The following ROR1 variants were observed in gnomAD, a reference collection of about 807,000 sequenced individuals.
ROR1 encodes ROR family WNT receptor 1.
ROR1 carries 19 observed loss-of-function variants against 78.8 expected under a neutral mutation model. The ratio of observed to expected loss-of-function variants is 0.24; its 90% CI spans 0.17 to 0.35. The LOEUF is 0.35. Ranked by LOEUF, ROR1 falls within the 10% of genes least tolerant of loss-of-function variation. ROR1 has a pLI of 1.00. For synonymous variants in ROR1, 386 were observed against 433.6 expected, an observed-to-expected ratio of 0.89 and a Z score of 1.36; for missense variants, 917 against 1,177.8, an observed-to-expected ratio of 0.78 and a Z score of 3.24.
At chr1:63,896,203 T>C (rs1645438305) in intron 1 of ROR1, among the ~76,000 whole-genome samples, 1 of 152,212 alleles carries the variant, frequency 6.6e-6, no homozygotes, top group Non-Finnish European at 1.5e-5. Flanking sequence ...AAAATAAGGA[T>C]ATTTTGTTAA....
At chr1:63,825,498 G>A (rs1194883993) in intron 1 of ROR1, among the ~76,000 whole-genome samples, 4 of 152,220 alleles carry the variant, frequency 2.6e-5, no homozygotes, top group African/African-American at 9.6e-5. Context: ...ACAGAAAGCA[G>A]ATCAGTGTTT....
At chr1:64,143,136 T>C (rs1035894897) in intron 7 of ROR1, 7 of 1,001,910 alleles carry the variant, frequency 7.0e-6, no homozygotes, top group Non-Finnish European at 8.4e-6. Context: ...TGTCTGTTAA[T>C]ACTGCAGAAG....
chr1:64,036,773 T>C (rs1646705495), intron 2 of ROR1, among the ~76,000 whole-genome samples: 1 of 152,196 alleles, frequency 6.6e-6, no homozygotes, highest in Admixed American at 6.5e-5. Context: ...AATCATGTAT[T>C]ATTATTCTCT....
chr1:63,921,144 A>AC (rs753139979), intron 1 of ROR1, among the ~76,000 whole-genome samples: 6 of 152,146 alleles, frequency 3.9e-5, no homozygotes, highest in Non-Finnish European at 8.8e-5. Flanking sequence ...CTCGGTAATC[A>AC]CCTCTGAACT....
chr1:64,042,533 A>G (rs1021739370), intron 2 of ROR1, among the ~76,000 whole-genome samples: 28 of 152,234 alleles, frequency 1.8e-4, no homozygotes, highest in African/African-American at 6.7e-4. Flanking sequence ...GTCCGGTGAG[A>G]ACTAAGATCC....
At chr1:64,098,437 G>A (rs1477839476) in intron 4 of ROR1, among the ~76,000 whole-genome samples, 1 of 152,046 alleles carries the variant, frequency 6.6e-6, no homozygotes, top group East Asian at 1.9e-4. Flanking sequence ...GAGGTTCCGC[G>A]GTCTCTCTTA....
chr1:64,099,215 A>T (rs938680328), intron 4 of ROR1, among the ~76,000 whole-genome samples: 5 of 152,122 alleles, frequency 3.3e-5, no homozygotes, highest in Admixed American at 6.5e-5. Flanking sequence ...CAAGACTGTT[A>T]ATACTACCTC....
At chr1:63,999,962 T>C (rs1318499057) in intron 1 of ROR1, among the ~76,000 whole-genome samples, 1 of 152,216 alleles carries the variant, frequency 6.6e-6, no homozygotes, top group African/African-American at 2.4e-5. Flanking sequence ...CTTGTGTCTC[T>C]TGTTTCTTTT....
chr1:63,837,374 A>C (rs1645024021), intron 1 of ROR1, among the ~76,000 whole-genome samples: 1 of 152,194 alleles, frequency 6.6e-6, no homozygotes, highest in Non-Finnish European at 1.5e-5. Context: ...TACATGATGC[A>C]CATTTCCAGA....
At chr1:63,894,091 TA>T in intron 1 of ROR1, among the ~76,000 whole-genome samples, 1 of 152,236 alleles carries the variant, frequency 6.6e-6, no homozygotes, top group Non-Finnish European at 1.5e-5. Flanking sequence ...TACTTGAACA[TA>T]AGTGCGTGAT....
intron 6 of ROR1, among the ~76,000 whole-genome samples, chr1:64,141,656 C>T (rs745805482): frequency 4.6e-5 from 7 of 152,282 alleles, no homozygotes; most frequent in African/African-American, 1.7e-4. Flanking sequence ...GTACATTTCC[C>T]TTTCATCTAG....
intron 1 of ROR1, among the ~76,000 whole-genome samples, chr1:63,862,749 C>T (rs1189734988): frequency 6.6e-6 from 1 of 152,104 alleles, no homozygotes; most frequent in Non-Finnish European, 1.5e-5. Flanking sequence ...TAATTTAACT[C>T]TGACATAAAC....
At chr1:64,140,765 T>G (rs1016722758) in intron 6 of ROR1, among the ~76,000 whole-genome samples, 1 of 152,208 alleles carries the variant, frequency 6.6e-6, no homozygotes, top group African/African-American at 2.4e-5. Flanking sequence ...ATAACAACAC[T>G]ATTTACAATA....
intron 1 of ROR1, among the ~76,000 whole-genome samples, chr1:63,952,070 A>G (rs1435078917): frequency 1.3e-5 from 2 of 152,208 alleles, no homozygotes; most frequent in Non-Finnish European, 2.9e-5. Flanking sequence ...GTCCCAGGTG[A>G]CAATGGTTAA....
At chr1:63,873,805 A>G (rs961534232) in intron 1 of ROR1, among the ~76,000 whole-genome samples, 1 of 152,230 alleles carries the variant, frequency 6.6e-6, no homozygotes, top group South Asian at 2.1e-4. Flanking sequence ...CAAAGATTAC[A>G]GTAGTCCATG....
intron 2 of ROR1, among the ~76,000 whole-genome samples, chr1:64,032,413 G>T (rs1646669233): frequency 6.6e-6 from 1 of 150,444 alleles, no homozygotes; most frequent in Non-Finnish European, 1.5e-5. Context: ...GGGAGGAAGA[G>T]AATTATATTT....
chr1:64,002,804 A>G (rs1001943615), intron 1 of ROR1, among the ~76,000 whole-genome samples: 1 of 152,212 alleles, frequency 6.6e-6, no homozygotes, highest in Non-Finnish European at 1.5e-5. Context: ...TGAAACAAAC[A>G]TTGATCGTTG....
chr1:63,978,178 A>C (rs1646177725), intron 1 of ROR1, among the ~76,000 whole-genome samples: 1 of 152,146 alleles, frequency 6.6e-6, no homozygotes, highest in Admixed American at 6.5e-5. Flanking sequence ...GACCTCTTTT[A>C]TTTCTGCATC....
intron 1 of ROR1, among the ~76,000 whole-genome samples, chr1:63,891,750 T>C (rs1296051369): frequency 6.6e-6 from 1 of 152,156 alleles, no homozygotes; most frequent in African/African-American, 2.4e-5. Context: ...GACACTTATC[T>C]TCTTCTGTCT....
Sources: allele counts gnomAD v4.1 joint callset (sites outside exome capture counted in the v4.1 genomes callset), GRCh38; gene constraint gnomAD v4.1.1; transcripts MANE v1.5; gene names NCBI Gene and HGNC (gene_info 2026-07-23, HGNC 2026-07-21).